The following CMYA5 variants were observed in gnomAD, a reference collection of about 807,000 sequenced individuals.
The protein encoded by CMYA5 is cardiomyopathy-associated protein 5.
A neutral mutation model predicts 318.9 loss-of-function variants in CMYA5; 246 were observed. The ratio of observed to expected loss-of-function variants is 0.77; its 90% CI spans 0.70 to 0.86. The LOEUF is 0.86. CMYA5 is among the 40% of genes least tolerant of loss of function. CMYA5 has a pLI of 0.00. For synonymous variants in CMYA5, 1,641 were observed against 1,729.5 expected (o/e 0.95, Z 1.27); for missense variants, 4,589 against 4,678.2 (o/e 0.98, Z 0.56).
intron 12 of CMYA5, among the ~76,000 whole-genome samples, chr5:79,797,758 C>T (rs961605256): frequency 6.6e-6 from 1 of 152,232 alleles, no homozygotes; most frequent in East Asian, 1.9e-4. Context: ...ATCCACGTAA[C>T]ATCCTAAAAG....
chr5:79,739,142 G>A lies in CMYA5; in HGVS notation c.10377G>A (p.Glu3459=). 1 of 1,613,784 alleles carries A rather than the reference G, an allele frequency of 6.2e-7. No homozygotes were observed. Among genetic ancestry groups the A allele is most frequent in the Non-Finnish European group, 8.5e-7 (1 of 1,179,838 alleles). The change falls in exon 2 of 13, where the codon GAG becomes GAA. Residue 3459 remains glutamate (E), a synonymous_variant. Coordinates refer to ENST00000446378, the MANE Select transcript of CMYA5 (RefSeq NM_153610.5). ...TATCTCAAGGAAAGGAATCCTTTGA[G>A]CACATCAGTGAAAATGAATTTGCGA... ...DVLSQGKESF[E]HISENEFASE...
intron 9 of CMYA5, among the ~76,000 whole-genome samples, chr5:79,766,575 G>A (rs1405542281): frequency 6.6e-6 from 1 of 152,186 alleles, no homozygotes; most frequent in Non-Finnish European, 1.5e-5. Context: ...TGTGGTTATT[G>A]TCATTGGTTC....
In CMYA5 at chr5:79,733,909, C is replaced by T. The variant is rs201243267; in HGVS notation, c.5144C>T (p.Pro1715Leu). The change falls in exon 2 of 13, where the codon CCT becomes CTT. Residue 1715 changes from proline (P) to leucine (L), a missense_variant. By Grantham distance (98) the Pro-to-Leu change is moderately conservative. Coordinates refer to ENST00000446378, the MANE Select transcript of CMYA5 (RefSeq NM_153610.5). ...REESQNEEIK[P>L]FSPKIISLES... ...GAATCTCAGAATGAAGAAATTAAAC[C>T]TTTCTCTCCCAAGATCATCAGCCTA... is the stretch of plus-strand genomic sequence containing the variant. The T allele has an allele frequency of 2.5e-5, 41 of 1,612,928 alleles. No homozygotes were observed. The highest frequency in any genetic ancestry group is 3.4e-5 in the Non-Finnish European group (40 of 1,179,742).
chr5:79,787,877 A>T (rs1471769317), intron 9 of CMYA5, among the ~76,000 whole-genome samples: 1 of 152,132 alleles, frequency 6.6e-6, no homozygotes, highest in Non-Finnish European at 1.5e-5. Context: ...TCTCCATGTT[A>T]TTCTCTAAGA....
At position 79,710,740 on chromosome 5, in the gene CMYA5, C is replaced by G. The variant is rs541895351; in HGVS notation, c.150-18175C>G. ...ACAGGTAGGACCTAAAAATCTTGAACTTTCCCCTGAGTTCAACTGAGGAAT... is the reference window on the plus strand; with the variant it reads ...ACAGGTAGGACCTAAAAATCTTGAAGTTTCCCCTGAGTTCAACTGAGGAAT... On this transcript the variant is annotated intron_variant, in intron 1 of 12. Transcript: ENST00000446378. Among the ~76,000 whole-genome samples the G allele has an allele frequency of 1.2e-4, 18 of 152,212 alleles. No individual in the cohort carries two copies. In the East Asian group the frequency reaches 3.5e-3, roughly 29 times the overall value.
At chr5:79,693,896 G>GC (rs1827018571) in intron 1 of CMYA5, among the ~76,000 whole-genome samples, 1 of 152,164 alleles carries the variant, frequency 6.6e-6, no homozygotes, top group Non-Finnish European at 1.5e-5. Context: ...GACAAATATA[G>GC]CAGGATAAAT....
At chr5:79,791,713 C>CAAA (rs61063837) in intron 11 of CMYA5, among the ~76,000 whole-genome samples, 12 of 92,034 alleles carry the variant, frequency 1.3e-4, no homozygotes, top group African/African-American at 4.5e-4. Flanking sequence ...GACTCTGTCT[C>CAAA]AAAAAAAAAA....
intron 2 of CMYA5, among the ~76,000 whole-genome samples, chr5:79,743,594 T>C (rs529552874): frequency 3.9e-5 from 6 of 152,334 alleles, no homozygotes; most frequent in African/African-American, 9.6e-5. Context: ...TACGAAGATA[T>C]ACTGTCTTTG....
At chr5:79,723,443 GAAAAAA>G (rs35720490) in intron 1 of CMYA5, among the ~76,000 whole-genome samples, 5 of 121,558 alleles carry the variant, frequency 4.1e-5, no homozygotes, top group Admixed American at 8.6e-5. Context: ...CATCTCAAAG[GAAAAAA>G]AAAAAAAAAA....
chr5:79,793,169 C>G (rs141976868), intron 11 of CMYA5, among the ~76,000 whole-genome samples: 1 of 152,280 alleles, frequency 6.6e-6, no homozygotes, highest in African/African-American at 2.4e-5. Flanking sequence ...TTTCCTGATT[C>G]CCAGCTCTTT....
intron 12 of CMYA5, among the ~76,000 whole-genome samples, chr5:79,795,372 T>G (rs1038832411): frequency 2.0e-5 from 3 of 152,182 alleles, no homozygotes; most frequent in African/African-American, 7.2e-5. Context: ...TCACTCTTGA[T>G]TCTACTCACA....
At position 79,737,378 on chromosome 5, in the gene CMYA5, C is replaced by T; in HGVS notation, c.8613C>T (p.His2871=). Residue 2871 remains histidine (H), a synonymous_variant, in exon 2 of 13, where the codon CAC becomes CAT. Coordinates refer to ENST00000446378, the MANE Select transcript of CMYA5 (RefSeq NM_153610.5). ...VPKQSVLVSK[H]HLEAAEDTRV... The stretch of plus-strand genomic sequence containing the variant: ...AACAATCTGTTCTTGTTTCAAAGCA[C>T]CACTTGGAGGCTGCGGAAGATACCC... The T allele has an allele frequency of 6.2e-7, 1 of 1,613,826 alleles. No homozygotes were observed. Among genetic ancestry groups the T allele is most frequent in the Non-Finnish European group, 8.5e-7 (1 of 1,179,808 alleles).
At chr5:79,790,289 G>A (rs549067365) in intron 10 of CMYA5, among the ~76,000 whole-genome samples, 16 of 149,334 alleles carry the variant, frequency 1.1e-4, no homozygotes, top group African/African-American at 3.2e-4. Flanking sequence ...TTTTTTTCTC[G>A]AATGGAGTCT....
At chr5:79,702,400 T>G (rs561966085) in intron 1 of CMYA5, among the ~76,000 whole-genome samples, 14 of 152,264 alleles carry the variant, frequency 9.2e-5, no homozygotes, top group Non-Finnish European at 1.6e-4. Context: ...AAAAGGGTTA[T>G]ATTCATACAA....
chr5:79,721,781 T>C (rs1032981587), intron 1 of CMYA5, among the ~76,000 whole-genome samples: 3 of 152,184 alleles, frequency 2.0e-5, no homozygotes, highest in Non-Finnish European at 4.4e-5. Context: ...CAGAAAGATA[T>C]AACTATTCTA....
chr5:79,743,918 T>C lies in CMYA5; in HGVS notation c.10730T>C (p.Ile3577Thr). 1 of 1,500,154 alleles carries C rather than the reference T, an allele frequency of 6.7e-7. No homozygotes were observed. Among genetic ancestry groups the C allele is most frequent in the Non-Finnish European group, 9.0e-7 (1 of 1,105,878 alleles). The allele number at this position is 1,500,154 out of a possible 1,614,324, so 92.9% of individuals were successfully genotyped here. Residue 3577 changes from isoleucine (I) to threonine (T), a missense_variant, in exon 3 of 13, where the codon ATT becomes ACT. Physicochemically the swap from Ile to Thr is moderately conservative, Grantham distance 89 (BLOSUM62 -1). Coordinates refer to ENST00000446378, the MANE Select transcript of CMYA5 (RefSeq NM_153610.5). Reference protein sequence around the residue: ...VSEIESFFNTIEENCSKNEKR... With the variant: ...VSEIESFFNTTEENCSKNEKR... ...GAGATAGAATCCTTTTTTAATACCATTGAGGTAAGTTAACACACCCATTTT... is the reference window on the plus strand; with the variant it reads ...GAGATAGAATCCTTTTTTAATACCACTGAGGTAAGTTAACACACCCATTTT...
In CMYA5 at chr5:79,739,257, GA is replaced by G. The variant is rs560938148; in HGVS notation, c.10496del (p.Lys3499ArgfsTer6). ...CCAATTATCATCTGAGGTAGTAACT[GA>G]AAAGGCACAAAAAGAGCTGAAAAAG... ...EDQLSSEVVT[E>X]KAQKELKKSQ... On this transcript the variant is annotated frameshift_variant, in exon 2 of 13. Coordinates refer to ENST00000446378, the MANE Select transcript of CMYA5 (RefSeq NM_153610.5). LOFTEE classifies it high-confidence loss of function. 5.1e-4 allele frequency: 815 copies of G among 1,612,186 alleles called. No individual in the cohort carries two copies. Among genetic ancestry groups the G allele is most frequent in the Non-Finnish European group, 6.6e-4 (774 of 1,179,152 alleles).
In CMYA5 at chr5:79,763,212, G is replaced by GC. The variant is rs758397228; in HGVS notation, c.11555+3_11555+4insC. ...TCTCCTGAGGGAGAGGGCCTCAGGT[G>GC]AGGGGCCCTCTCCATGGGAGAGACT... On this transcript the variant is annotated splice_donor_region_variant and intron_variant, in intron 9 of 12. Coordinates refer to ENST00000446378, the MANE Select transcript of CMYA5 (RefSeq NM_153610.5). 1.1e-5 allele frequency: 18 copies of GC among 1,595,966 alleles called. No individual in the cohort carries two copies. The highest frequency in any genetic ancestry group is 1.4e-5 in the Non-Finnish European group (17 of 1,172,802).
Position 79,793,623 on chromosome 5 carries a change from T to C in CMYA5, c.11963+13T>C. 1 of 1,583,266 alleles carries C rather than the reference T, an allele frequency of 6.3e-7. No individual in the cohort carries two copies. The highest frequency in any genetic ancestry group is 8.7e-7 in the Non-Finnish European group (1 of 1,155,924). The stretch of plus-strand genomic sequence containing the variant: ...CTGAGCCACAGAGGTAAGCGAGCCC[T>C]TCCCCTCCCCTCTTCATCAAAATAT... On this transcript the variant is annotated intron_variant, in intron 12 of 12. Coordinates refer to ENST00000446378, the MANE Select transcript of CMYA5 (RefSeq NM_153610.5).
Sources: gnomAD v4.1 joint callset for allele counts (sites outside exome capture counted in the v4.1 genomes callset) on GRCh38, gnomAD v4.1.1 for gene constraint, MANE v1.5 for transcripts, NCBI Gene and HGNC (gene_info 2026-07-23, HGNC 2026-07-21) for gene names.